The following ROBO2 variants were observed in gnomAD, a reference collection of about 807,000 sequenced individuals.
ROBO2 encodes roundabout guidance receptor 2.
In ROBO2, 53 loss-of-function variants were observed where a neutral mutation model predicts 160.8. The observed-to-expected ratio is 0.33, with a 90% CI of 0.26 to 0.41. ROBO2 has a LOEUF of 0.41. Among genes scored for constraint, ROBO2 ranks in the 10% least tolerant of loss-of-function variants. ROBO2 has a pLI of 1.00. For missense variants in ROBO2, 1,577 were observed against 1,722.4 expected (o/e 0.92, Z 1.49); for synonymous variants, 664 against 611.7 (o/e 1.09, Z -1.26).
chr3:76,719,108 T>C (rs929931681), intron 2 of ROBO2, among the ~76,000 whole-genome samples: 18 of 152,194 alleles, frequency 1.2e-4, no homozygotes, highest in African/African-American at 3.9e-4. Context: ...ATTTTAGAGA[T>C]AGAAAATTGA....
intron 2 of ROBO2, among the ~76,000 whole-genome samples, chr3:77,002,856 A>G (rs190462265): frequency 2.6e-5 from 4 of 152,296 alleles, no homozygotes; most frequent in Admixed American, 2.6e-4. Flanking sequence ...CAGAATACAT[A>G]TTAAAGAAAG....
At chr3:77,453,639 T>C (rs901595215) in intron 2 of ROBO2, among the ~76,000 whole-genome samples, 3 of 152,120 alleles carry the variant, frequency 2.0e-5, no homozygotes, top group Non-Finnish European at 4.4e-5. Context: ...GAAAAAAGTA[T>C]GTAAAATTTA....
At chr3:76,436,930 C>T (rs1310954078) in intron 2 of ROBO2, among the ~76,000 whole-genome samples, 1 of 152,158 alleles carries the variant, frequency 6.6e-6, no homozygotes, top group Non-Finnish European at 1.5e-5. Context: ...AATTTGTTAG[C>T]TATGCTCATC....
At chr3:76,348,872 C>T (rs2074697682) in intron 2 of ROBO2, among the ~76,000 whole-genome samples, 1 of 151,984 alleles carries the variant, frequency 6.6e-6, no homozygotes, top group Non-Finnish European at 1.5e-5. Context: ...TGAACATGTT[C>T]AAAAAGTTAT....
chr3:76,082,148 A>G (rs1397499832), intron 2 of ROBO2, among the ~76,000 whole-genome samples: 1 of 152,136 alleles, frequency 6.6e-6, no homozygotes, highest in Admixed American at 6.5e-5. Flanking sequence ...GACTGATGTA[A>G]AAGGTAAGAA....
intron 2 of ROBO2, among the ~76,000 whole-genome samples, chr3:77,219,527 A>G (rs1213226969): frequency 4.3e-5 from 6 of 138,968 alleles, no homozygotes; most frequent in Admixed American, 7.4e-5. Flanking sequence ...GTGTGTGTGT[A>G]TATATATATA....
intron 2 of ROBO2, among the ~76,000 whole-genome samples, chr3:77,340,567 C>T (rs2066956452): frequency 5.9e-5 from 9 of 152,064 alleles, no homozygotes; most frequent in Admixed American, 5.9e-4. Flanking sequence ...TCATCATTTT[C>T]AGAAATATAA....
intron 2 of ROBO2, among the ~76,000 whole-genome samples, chr3:76,953,851 C>G (rs887323277): frequency 1.3e-5 from 2 of 152,140 alleles, no homozygotes; most frequent in Non-Finnish European, 1.5e-5. Flanking sequence ...TGTGCCCACA[C>G]AGGTGCACGT....
At chr3:77,208,662 G>A (rs2083726965) in intron 2 of ROBO2, among the ~76,000 whole-genome samples, 1 of 152,202 alleles carries the variant, frequency 6.6e-6, no homozygotes, top group Non-Finnish European at 1.5e-5. Flanking sequence ...TGTGTTTGAA[G>A]ATAGACTATA....
intron 2 of ROBO2, among the ~76,000 whole-genome samples, chr3:76,934,848 A>G (rs1366308736): frequency 6.6e-6 from 1 of 152,226 alleles, no homozygotes; most frequent in Non-Finnish European, 1.5e-5. Context: ...TATAGGAATT[A>G]TCAGCATAGT....
In ROBO2 at chr3:76,965,539, C is replaced by A. The variant is rs144771995; in HGVS notation, c.110-132475C>A. ...GCGTGTACCTATGCTTGTGCCAGAC[C>A]AAAGATTGGAGCATTGGAATGGGTA... On this transcript the variant is annotated intron_variant, in intron 2 of 26. Transcript: ENST00000487694. 1.4e-3 allele frequency among the ~76,000 whole-genome samples: 217 copies of A among 152,016 alleles called. 2 individuals are homozygous for A. Among genetic ancestry groups the A allele is most frequent in the African/African-American group, 5.1e-3 (212 of 41,446 alleles).
At chr3:76,084,813 A>G (rs577318825) in intron 2 of ROBO2, among the ~76,000 whole-genome samples, 1 of 152,268 alleles carries the variant, frequency 6.6e-6, no homozygotes, top group Non-Finnish European at 1.5e-5. Flanking sequence ...TCAAGAGGCA[A>G]TTAGGATATT....
intron 5 of ROBO2, among the ~76,000 whole-genome samples, chr3:77,495,405 A>T (rs992676135): frequency 1.3e-5 from 2 of 152,208 alleles, no homozygotes; most frequent in African/African-American, 4.8e-5. Flanking sequence ...GCAAAGCTTG[A>T]TAGGTAATAA....
chr3:77,565,232 C>T (rs765410187), intron 12 of ROBO2, 112 bp downstream of exon 13: 2 of 1,177,376 alleles, frequency 1.7e-6, no homozygotes, highest in Non-Finnish European at 2.5e-6. Context: ...TGTATGATGG[C>T]TCACTAGGCT....
intron 2 of ROBO2, among the ~76,000 whole-genome samples, chr3:77,015,104 G>A (rs1467155022): frequency 6.6e-6 from 1 of 151,744 alleles, no homozygotes; most frequent in Admixed American, 6.6e-5. Flanking sequence ...AGTGTTTCAG[G>A]AAAAATCTTG....
At chr3:75,974,008 A>G (rs552701478) in intron 2 of ROBO2, among the ~76,000 whole-genome samples, 85 of 151,668 alleles carry the variant, frequency 5.6e-4, no homozygotes, top group African/African-American at 2.0e-3. Context: ...CACGAGAATA[A>G]TATAGAAGGA....
chr3:77,077,975 G>A (rs2149895638), intron 1 of ROBO2, among the ~76,000 whole-genome samples: 1 of 152,172 alleles, frequency 6.6e-6, no homozygotes, highest in East Asian at 1.9e-4. Context: ...CTGCCCCCCA[G>A]CACACTGGCA....
At chr3:77,277,242 T>TTCTTTCTTTCTTGTCTTTCTG (rs2059944163) in intron 2 of ROBO2, among the ~76,000 whole-genome samples, 1 of 149,968 alleles carries the variant, frequency 6.7e-6, no homozygotes, top group Admixed American at 6.7e-5. Flanking sequence ...CTTTCTTTCT[T>TTCTTTCTTTCTTGTCTTTCTG]TCTTTCTTTC....
At position 75,954,600 on chromosome 3, in the gene ROBO2, A is replaced by G. The variant is rs189281908; in HGVS notation, c.109+16998A>G. ...ACAGTCTTACATCACATCACAGAAA[A>G]GAAGTTCAAAACAAAACGAAACAAA... On this transcript the variant is annotated intron_variant, in intron 2 of 26. Coordinates refer to the ROBO2 transcript ENST00000487694. Among the ~76,000 whole-genome samples the G allele has an allele frequency of 3.2e-4, 49 of 152,044 alleles. 1 individual carries two copies. The highest frequency in any genetic ancestry group is 2.4e-3 in the Admixed American group (37 of 15,220).
Sources: allele counts gnomAD v4.1 joint callset (sites outside exome capture counted in the v4.1 genomes callset), GRCh38; gene constraint gnomAD v4.1.1; transcripts MANE v1.5; gene names NCBI Gene and HGNC (gene_info 2026-07-23, HGNC 2026-07-21).